The following DNAJC6 variants were observed in gnomAD, a reference collection of about 807,000 sequenced individuals.
The protein encoded by DNAJC6 is DnaJ heat shock protein family (Hsp40) member C6.
DNAJC6 carries 34 observed loss-of-function variants against 110.0 expected under a neutral mutation model. That is an observed-to-expected ratio of 0.31 (90% CI 0.24 to 0.41). The LOEUF (loss-of-function observed/expected upper bound fraction) is 0.41, where lower values mean the gene tolerates loss of function less well. DNAJC6 is among the 10% of genes least tolerant of loss of function. The pLI is 1.00. For synonymous variants in DNAJC6, 406 were observed against 437.2 expected (o/e 0.93, Z 0.89); for missense variants, 1,031 against 1,207.8 (o/e 0.85, Z 2.17).
intron 1 of DNAJC6, among the ~76,000 whole-genome samples, chr1:65,273,418 G>GA (rs1403197672): frequency 1.3e-5 from 2 of 152,102 alleles, no homozygotes; most frequent in African/African-American, 4.8e-5. Flanking sequence ...CCAATGTGGT[G>GA]AAACCCCGTC....
intron 1 of DNAJC6, among the ~76,000 whole-genome samples, chr1:65,296,085 C>T (rs1157340739): frequency 1.3e-5 from 2 of 152,100 alleles, no homozygotes; most frequent in African/African-American, 4.8e-5. Context: ...TATTTTTCAC[C>T]AACACATGGT....
chr1:65,354,933 G>A (rs989584214), intron 1 of DNAJC6, among the ~76,000 whole-genome samples: 35 of 152,042 alleles, frequency 2.3e-4, no homozygotes, highest in Admixed American at 2.2e-3. Context: ...TCCGGGCCAT[G>A]GTTTGACATA....
At chr1:65,265,012 A>G (rs1653269108) in intron 1 of DNAJC6, 1 of 1,357,226 alleles carries the variant, frequency 7.4e-7, no homozygotes, top group African/African-American at 1.4e-5. Flanking sequence ...CACTCCACAG[A>G]CATATTTAGT....
intron 4 of DNAJC6, among the ~76,000 whole-genome samples, chr1:65,374,328 C>T (rs9436280): frequency 0.25 from 37,946 of 151,658 alleles, 8,267 homozygotes; most frequent in East Asian, 0.61. Context: ...ATGTCATTGG[C>T]ATTTTGATAG....
intron 1 of DNAJC6, among the ~76,000 whole-genome samples, chr1:65,354,155 A>G (rs1372628418): frequency 6.6e-6 from 1 of 152,184 alleles, no homozygotes; most frequent in Non-Finnish European, 1.5e-5. Flanking sequence ...CTCATTCACA[A>G]GTAATTATAA....
At position 65,351,477 on chromosome 1, in the gene DNAJC6, C is replaced by T. The variant is rs185098388; in HGVS notation, c.194-13158C>T. 1.6e-3 allele frequency among the ~76,000 whole-genome samples: 241 copies of T among 152,196 alleles called. 2 individuals carry two copies. Among genetic ancestry groups the T allele is most frequent in the African/African-American group, 5.0e-3 (209 of 41,540 alleles). On this transcript the variant is annotated intron_variant, in intron 1 of 18. Transcript: ENST00000371069. ...AGATATAAAGTATTCAAAGTAGCCCCAGCTTTCTGAGGAATTGTCAGAGGA... is the reference window on the plus strand; with the variant it reads ...AGATATAAAGTATTCAAAGTAGCCCTAGCTTTCTGAGGAATTGTCAGAGGA...
upstream of DNAJC6, among the ~76,000 whole-genome samples, chr1:65,307,000 C>CTATA (rs1557511836): frequency 1.7e-5 from 2 of 115,654 alleles, no homozygotes; most frequent in African/African-American, 6.4e-5. Flanking sequence ...CTCTCTCTCT[C>CTATA]TCTCTCTCTC....
At chr1:65,346,334 A>G (rs1212828946) in intron 1 of DNAJC6, among the ~76,000 whole-genome samples, 3 of 152,104 alleles carry the variant, frequency 2.0e-5, no homozygotes, top group African/African-American at 7.2e-5. Context: ...CACTTGTCTC[A>G]GGCAATATTA....
chr1:65,345,951 C>T (rs189822975), intron 1 of DNAJC6, among the ~76,000 whole-genome samples: 23 of 152,260 alleles, frequency 1.5e-4, no homozygotes, highest in African/African-American at 4.8e-4. Context: ...CCACAGCTAG[C>T]GGTAGCTTTC....
intron 4 of DNAJC6, among the ~76,000 whole-genome samples, chr1:65,372,966 C>G (rs6684351): frequency 0.25 from 37,799 of 152,028 alleles, 8,137 homozygotes; most frequent in East Asian, 0.59. Flanking sequence ...AACCCTCTCC[C>G]ACTCCTCTTC....
At chr1:65,284,218 C>G (rs555410059) in intron 1 of DNAJC6, among the ~76,000 whole-genome samples, 1 of 152,178 alleles carries the variant, frequency 6.6e-6, no homozygotes, top group East Asian at 1.9e-4. Context: ...CTGCTCCATA[C>G]AGTGAGGTCT....
upstream of DNAJC6, chr1:65,309,502 C>CCCCCCCG: frequency 2.7e-6 from 3 of 1,118,010 alleles, no homozygotes; most frequent in African/African-American, 1.7e-5. Context: ...CGCCCCCGCC[C>CCCCCCCG]GGCCGCGTCT....
chr1:65,268,731 T>A (rs182712366), intron 1 of DNAJC6, among the ~76,000 whole-genome samples: 1 of 152,306 alleles, frequency 6.6e-6, no homozygotes, highest in East Asian at 1.9e-4. Context: ...AGAATTAACT[T>A]ACCTATATAA....
rs747408305 is a variant in DNAJC6 at position 65,389,425 on chromosome 1, C to T, written c.1363C>T (p.His455Tyr). The stretch of plus-strand genomic sequence containing the variant: ...CATCCTCTTCTCTTCTCACCAGGAA[C>T]ATCAAGATACGCTGGCCTTAGGAGG... ...PSILFSSHQE[H>Y]QDTLALGGQA... Residue 455 changes from histidine (H) to tyrosine (Y), a missense_variant, in exon 10 of 19, where the codon CAT (histidine) becomes TAT (tyrosine). Coordinates refer to ENST00000371069, the MANE Select transcript of DNAJC6 (RefSeq NM_001256864.2). 4.3e-6 allele frequency: 7 copies of T among 1,614,098 alleles called. No individual in the cohort carries two copies. Among genetic ancestry groups the T allele is most frequent in the East Asian group, 4.5e-5 (2 of 44,874 alleles).
intron 13 of DNAJC6, among the ~76,000 whole-genome samples, chr1:65,397,216 C>T (rs749552419): frequency 2.6e-5 from 4 of 152,138 alleles, no homozygotes; most frequent in Non-Finnish European, 4.4e-5. Flanking sequence ...ATCAACTCCC[C>T]GTCTTCACAT....
intron 1 of DNAJC6, among the ~76,000 whole-genome samples, chr1:65,303,582 G>A (rs1157764212): frequency 2.7e-5 from 4 of 150,578 alleles, no homozygotes; most frequent in East Asian, 1.9e-4. Context: ...TTTTTGAGAC[G>A]GAGTCTCCCT....
chr1:65,280,068 G>T (rs1289906663), intron 1 of DNAJC6, among the ~76,000 whole-genome samples: 1 of 152,082 alleles, frequency 6.6e-6, no homozygotes, highest in Non-Finnish European at 1.5e-5. Flanking sequence ...ACCTAATAAG[G>T]TTGTTGCGAG....
chr1:65,368,599 CT>C lies in DNAJC6; in HGVS notation c.543+2405del, dbSNP rs1645672207. Among the ~76,000 whole-genome samples the C allele has an allele frequency of 3.4e-5, 5 of 146,188 alleles. No individual in the cohort carries two copies. In the East Asian group the frequency reaches 6.0e-4, roughly 17 times the overall value. ...TCTTCTTCCTCCTCTTCTTCTTCTT[CT>C]TCTTCTCCTCCTTCTCCTTCTTCTC... On this transcript the variant is annotated intron_variant, in intron 4 of 18. Coordinates refer to ENST00000371069, the MANE Select transcript of DNAJC6 (RefSeq NM_001256864.2).
intron 1 of DNAJC6, among the ~76,000 whole-genome samples, chr1:65,339,242 A>G (rs536173518): frequency 1.3e-5 from 2 of 152,326 alleles, no homozygotes; most frequent in African/African-American, 4.8e-5. Context: ...AGGAACAGGC[A>G]CTGAAAGGTT....
Sources: gnomAD v4.1 joint callset for allele counts (sites outside exome capture counted in the v4.1 genomes callset) on GRCh38, gnomAD v4.1.1 for gene constraint, MANE v1.5 for transcripts, NCBI Gene and HGNC (gene_info 2026-07-23, HGNC 2026-07-21) for gene names.